DPF2: variants seen among roughly 807,000 people sequenced by gnomAD.
DPF2 encodes the protein zinc finger protein ubi-d4.
In DPF2, 10 loss-of-function variants were observed where a neutral mutation model predicts 59.6. The observed-to-expected ratio is 0.17, with a 90% CI of 0.10 to 0.28. The LOEUF is 0.28. DPF2 is among the 10% of genes least tolerant of loss of function. The pLI is 1.00. For synonymous variants in DPF2, 189 were observed against 190.6 expected (o/e 0.99, Z 0.07); for missense variants, 315 against 509.4 (o/e 0.62, Z 3.67).
intron 1 of DPF2, 35 bp from the exon 2 acceptor site, chr11:65,340,349 TC>T (rs1261452812): frequency 6.2e-7 from 1 of 1,608,188 alleles, no homozygotes; most frequent in South Asian, 1.1e-5. Context: ...TGCCCCCCGC[TC>T]CAACATACAC....
intron 1 of DPF2, among the ~76,000 whole-genome samples, chr11:65,339,327 A>G (rs542612213): frequency 6.6e-6 from 1 of 152,252 alleles, no homozygotes; most frequent in South Asian, 2.1e-4. Flanking sequence ...ACCCTGCAAG[A>G]TGAGAACAAG....
In DPF2 at chr11:65,344,208, G is replaced by A. The variant is rs987094660; in HGVS notation, c.637+139G>A. 5.7e-5 allele frequency: 49 copies of A among 853,792 alleles called. No individual in the cohort carries two copies. Among genetic ancestry groups the A allele is most frequent in the Non-Finnish European group, 5.9e-5 (31 of 529,714 alleles). The allele number at this position is 853,792 out of a possible 1,614,324, so 52.9% of individuals were successfully genotyped here. A position where few individuals can be genotyped will look rare whatever the true frequency, so the allele number is the denominator to read the frequency against. ...CTTGTCCTGCCTGCTGACTGCTTCC[G>A]TCTGAGACCCCTGGGAGGCCTGGGT... is the stretch of plus-strand genomic sequence containing the variant. On this transcript the variant is annotated intron_variant, in intron 6 of 10. Transcript: ENST00000528416.
rs1196397460 is a variant in DPF2 at position 65,337,474 on chromosome 11, AAT to A, written c.33-2881_33-2880del. ...TCTCAAAAAAAAAAAAAAAAAAAAA[AAT>A]ATATATATATATATATATATATATA... On this transcript the variant is annotated intron_variant, in intron 1 of 10. Transcript: ENST00000528416. Among the ~76,000 whole-genome samples the A allele has an allele frequency of 8.2e-3, 381 of 46,368 alleles. 5 individuals are homozygous for A. The highest frequency in any genetic ancestry group is 0.013 in the African/African-American group (129 of 10,208). The allele number at this position is 46,368 out of a possible 152,430, so 30.4% of individuals were successfully genotyped here. A position where few individuals can be genotyped will look rare whatever the true frequency, so the allele number is the denominator to read the frequency against.
chr11:65,347,450 C>G (rs1670591601), intron 9 of DPF2: 1 of 152,048 alleles, frequency 6.6e-6, no homozygotes, highest in Admixed American at 6.6e-5. Context: ...CCTCCCACCT[C>G]AGCCTCCCGG....
intron 1 of DPF2, among the ~76,000 whole-genome samples, chr11:65,337,425 C>G (rs1854194286): frequency 1.6e-5 from 2 of 125,090 alleles, no homozygotes. Flanking sequence ...TGCATTCTAA[C>G]CTGGGCGGCA....
chr11:65,337,545 A>AC (rs1565528080), intron 1 of DPF2, among the ~76,000 whole-genome samples: 1 of 136,902 alleles, frequency 7.3e-6, no homozygotes, highest in Non-Finnish European at 1.6e-5. Flanking sequence ...AGAGAGAGAG[A>AC]GAACAATGTT....
At chr11:65,337,504 T>TAGAGAGAGAGAGAGAG (rs1188984367) in intron 1 of DPF2, among the ~76,000 whole-genome samples, 14 of 21,392 alleles carry the variant, frequency 6.5e-4, no homozygotes, top group East Asian at 1.5e-3. Flanking sequence ...TATATATATA[T>TAGAGAGAGAGAGAGAG]AGAGAGAGAG....
intron 6 of DPF2, chr11:65,345,058 G>A (rs1854489112): frequency 1.1e-5 from 2 of 185,588 alleles, no homozygotes; most frequent in South Asian, 1.5e-4. Flanking sequence ...ATGGGGATCT[G>A]CTTTCCTTGC....
rs569183789 is a variant in DPF2 at position 65,333,866 on chromosome 11, C to G, written c.-21C>G. 7 of 1,613,756 alleles carry G rather than the reference C, an allele frequency of 4.3e-6. No individual in the cohort carries two copies. Among genetic ancestry groups the G allele is most frequent in the Admixed American group, 3.3e-5 (2 of 60,024 alleles). ...CTGCGGACTGTGGGGCTTCTCGGCC[C>G]GAGGCAGAGGAACAGGGAAGATGGC... On this transcript the variant is annotated 5_prime_UTR_variant, in exon 1 of 11. Transcript: ENST00000528416.
intron 3 of DPF2, 152 bp downstream of exon 3, chr11:65,341,225 G>A: frequency 7.9e-7 from 1 of 1,259,240 alleles, no homozygotes; most frequent in Non-Finnish European, 1.1e-6. Flanking sequence ...TCTAGAAGGG[G>A]AGACAGGTAA....
Position 65,346,054 on chromosome 11 carries a change from C to T in DPF2, c.900C>T (p.Arg300=), listed in dbSNP as rs775695232. The T allele has an allele frequency of 2.8e-5, 45 of 1,614,080 alleles. No homozygotes were observed. Among genetic ancestry groups the T allele is most frequent in the Non-Finnish European group, 3.7e-5 (44 of 1,180,036 alleles). ...EELVSCSDCG[R]SGHPSCLQFT... ...TGGTGTCCTGTTCTGACTGTGGCCGCTCAGGTACTGCTTCCCGTGAAGGCT... is the reference window on the plus strand; with the variant it reads ...TGGTGTCCTGTTCTGACTGTGGCCGTTCAGGTACTGCTTCCCGTGAAGGCT... The change falls in exon 8 of 11, where the codon CGC becomes CGT. Residue 300 remains arginine (R), a synonymous_variant. Coordinates refer to ENST00000528416, the MANE Select transcript of DPF2 (RefSeq NM_006268.5).
chr11:65,341,533 T>C lies in DPF2; in HGVS notation c.436T>C (p.Phe146Leu), dbSNP rs1489327533. The change falls in exon 4 of 11, where the codon TTT becomes CTT. Residue 146 changes from phenylalanine (F) to leucine (L), a missense_variant. Phe to Leu is a conservative substitution (Grantham distance 22). Around this residue, in one of 4 missense-constraint regions of DPF2, gnomAD observed 228 missense variants for 275.3 expected, o/e 0.83. Coordinates refer to ENST00000528416, the MANE Select transcript of DPF2 (RefSeq NM_006268.5). ...AGTTGATGATGACAGCCTGGGCGAG[T>C]TTCCTGTGACCAACAGTCGAGCGCG... is the stretch of plus-strand genomic sequence containing the variant. ...PRVDDDSLGEFPVTNSRARKR... is the reference protein window; with the variant it reads ...PRVDDDSLGELPVTNSRARKR... 1 of 1,613,310 alleles carries C rather than the reference T, an allele frequency of 6.2e-7. No individual in the cohort carries two copies. The highest frequency in any genetic ancestry group is 1.3e-5 in the African/African-American group (1 of 74,642).
chr11:65,334,277 C>G (rs1026986483), intron 1 of DPF2, among the ~76,000 whole-genome samples: 5 of 152,296 alleles, frequency 3.3e-5, no homozygotes, highest in African/African-American at 1.2e-4. Flanking sequence ...GGGCCGAGGC[C>G]CGGGCGGCCC....
chr11:65,335,854 C>T (rs1047180292), intron 1 of DPF2, among the ~76,000 whole-genome samples: 1 of 152,012 alleles, frequency 6.6e-6, no homozygotes, highest in African/African-American at 2.4e-5. Context: ...CTGTTGTCGG[C>T]CCGGGCTGGA....
intron 10 of DPF2, 51 bp from the exon 11 acceptor site, chr11:65,351,632 C>T (rs768590373): frequency 5.3e-6 from 8 of 1,512,086 alleles, no homozygotes; most frequent in Non-Finnish European, 7.4e-6. Flanking sequence ...GAATTGCAAG[C>T]AGGTGGGGAT....
Position 65,340,387 on chromosome 11 carries a change from T to TG in DPF2, c.35_36insG (p.Gly13TrpfsTer22). On this transcript the variant is annotated frameshift_variant, in exon 2 of 11. Transcript: ENST00000528416. LOFTEE classifies it high-confidence loss of function. ...CCTGATTTCTATCTTCCCTGCAGCC[T>TG]TGGGGAGCAGTACTACAAAGATGCC... The TG allele has an allele frequency of 6.2e-7, 1 of 1,613,976 alleles. No homozygotes were observed. The highest frequency in any genetic ancestry group is 8.5e-7 in the Non-Finnish European group (1 of 1,179,838).
At chr11:65,346,149 C>T (rs1388492882) in intron 8 of DPF2, 91 bp downstream of exon 8, 7 of 1,596,740 alleles carry the variant, frequency 4.4e-6, no homozygotes, top group East Asian at 2.2e-5. Flanking sequence ...CAGCCCACCT[C>T]GCTTTTCCTA....
chr11:65,337,738 C>T (rs1016545840), intron 1 of DPF2, among the ~76,000 whole-genome samples: 6 of 151,336 alleles, frequency 4.0e-5, no homozygotes, highest in Admixed American at 6.6e-5. Context: ...CCAGGGGCTA[C>T]GTGGAACCAC....
intron 1 of DPF2, among the ~76,000 whole-genome samples, chr11:65,337,471 AAAAATATAT>A (rs1461044692): frequency 6.0e-5 from 3 of 49,890 alleles, no homozygotes; most frequent in Non-Finnish European, 7.5e-5. Context: ...AAAAAAAAAA[AAAAATATAT>A]ATATATATAT....
Sources: gnomAD v4.1 joint callset for allele counts (sites outside exome capture counted in the v4.1 genomes callset) on GRCh38, gnomAD v4.1.1 for gene constraint, gnomAD v4.1.1 regional missense constraint, MANE v1.5 for transcripts, NCBI Gene and HGNC (gene_info 2026-07-23, HGNC 2026-07-21) for gene names.